DTWD2: variants seen among roughly 807,000 people sequenced by gnomAD.
DTWD2 encodes the protein tRNA-uridine aminocarboxypropyltransferase 2.
Under a neutral mutation model 31.8 loss-of-function variants are expected in DTWD2, and 39 were observed. That is an observed-to-expected ratio of 1.22 (90% CI 0.95 to 1.60). DTWD2 has a LOEUF of 1.60. Among genes scored for constraint, DTWD2 ranks in the 40% most tolerant of loss-of-function variants. The probability of loss-of-function intolerance (pLI) is 0.00; values close to 1 mark genes in which losing one functional copy is unlikely to be tolerated. For missense variants in DTWD2, 515 were observed against 381.5 expected (o/e 1.35, Z -2.92); for synonymous variants, 180 against 142.8 (o/e 1.26, Z -1.86).
At chr5:118,979,756 C>T (rs778357048) in intron 1 of DTWD2, among the ~76,000 whole-genome samples, 2 of 152,190 alleles carry the variant, frequency 1.3e-5, no homozygotes, top group Non-Finnish European at 1.5e-5. Context: ...GAACAGAAAA[C>T]CAAACACCGC....
intron 4 of DTWD2, among the ~76,000 whole-genome samples, chr5:118,893,329 C>A (rs973567803): frequency 2.1e-5 from 3 of 139,694 alleles, no homozygotes; most frequent in Admixed American, 7.6e-5. Context: ...CCACTGCACT[C>A]TAGCCTGGGC....
At position 118,906,820 on chromosome 5, in the gene DTWD2, A is replaced by G. The variant is rs769106075; in HGVS notation, c.597+21717T>C. 2.0e-4 allele frequency among the ~76,000 whole-genome samples: 30 copies of G among 152,326 alleles called. No individual in the cohort carries two copies. In the Middle Eastern group the frequency reaches 0.017, roughly 86 times the overall value. On this transcript the variant is annotated intron_variant, in intron 4 of 5. Coordinates refer to ENST00000510708, the MANE Select transcript of DTWD2 (RefSeq NM_173666.4). ...TATGTCAAAACTTAGCAAACTGCAC[A>G]CTTTAAACATGTGCAGTTTATTGCA...
intron 4 of DTWD2, among the ~76,000 whole-genome samples, chr5:118,864,529 T>TAAAA (rs750961429): frequency 3.0e-5 from 4 of 132,662 alleles, no homozygotes; most frequent in African/African-American, 1.1e-4. Flanking sequence ...CTTAGAGTAT[T>TAAAA]AAAAAAAAAA....
At chr5:118,905,416 G>C (rs1753306137) in intron 4 of DTWD2, among the ~76,000 whole-genome samples, 1 of 152,056 alleles carries the variant, frequency 6.6e-6, no homozygotes, top group African/African-American at 2.4e-5. Flanking sequence ...GAGTAAGAGG[G>C]CCTGTCCTGA....
At chr5:118,986,664 C>G (rs1755434501) in intron 1 of DTWD2, among the ~76,000 whole-genome samples, 1 of 152,114 alleles carries the variant, frequency 6.6e-6, no homozygotes, top group South Asian at 2.1e-4. Context: ...AAAAAGCCAT[C>G]AATTCATTTA....
chr5:118,988,147 C>G, intron 1 of DTWD2, 147 bp downstream of exon 1: 1 of 968,630 alleles, frequency 1.0e-6, no homozygotes, highest in Non-Finnish European at 1.6e-6. Context: ...CTGTGCCTGG[C>G]ATTTCCGAGA....
Position 118,950,258 on chromosome 5 carries a change from C to T in DTWD2, c.219-5609G>A, listed in dbSNP as rs1396999220. ...AAAAAGAATATTGTCTAAGTTGGCACCAGAGTTGGGGAGTTTTAAGAGGTT... is the reference window on the plus strand; with the variant it reads ...AAAAAGAATATTGTCTAAGTTGGCATCAGAGTTGGGGAGTTTTAAGAGGTT... On this transcript the variant is annotated intron_variant, in intron 1 of 5. Transcript: ENST00000510708. 2.0e-5 allele frequency among the ~76,000 whole-genome samples: 3 copies of T among 150,182 alleles called. 1 individual carries two copies. The South Asian group carries it at 6.4e-4, about 32-fold the overall frequency.
chr5:118,860,892 T>C (rs1023162836), intron 4 of DTWD2, among the ~76,000 whole-genome samples: 1 of 152,220 alleles, frequency 6.6e-6, no homozygotes, highest in Non-Finnish European at 1.5e-5. Context: ...TTGCATTATA[T>C]AAGTCGCAAA....
At chr5:118,876,928 A>C (rs1373680018) in intron 4 of DTWD2, among the ~76,000 whole-genome samples, 2 of 152,250 alleles carry the variant, frequency 1.3e-5, no homozygotes, top group African/African-American at 4.8e-5. Flanking sequence ...CAATAAAAAA[A>C]GAAAACTACA....
intron 4 of DTWD2, among the ~76,000 whole-genome samples, chr5:118,889,356 G>A (rs1416576177): frequency 6.6e-6 from 1 of 152,012 alleles, no homozygotes; most frequent in African/African-American, 2.4e-5. Context: ...AAATGGCTAA[G>A]GCAGAATAAT....
chr5:118,920,662 T>C (rs1013463451), intron 4 of DTWD2, among the ~76,000 whole-genome samples: 2 of 152,208 alleles, frequency 1.3e-5, no homozygotes, highest in South Asian at 4.1e-4. Flanking sequence ...AACTAAATTG[T>C]ATTTCTATAA....
At chr5:118,982,430 G>A (rs960100700) in intron 1 of DTWD2, among the ~76,000 whole-genome samples, 12 of 152,028 alleles carry the variant, frequency 7.9e-5, no homozygotes, top group African/African-American at 2.9e-4. Flanking sequence ...ATATATCATT[G>A]CTTAACTTTG....
intron 1 of DTWD2, among the ~76,000 whole-genome samples, chr5:118,976,907 T>C (rs1257214284): frequency 6.6e-6 from 1 of 152,076 alleles, no homozygotes; most frequent in Non-Finnish European, 1.5e-5. Flanking sequence ...CAGGCCAATA[T>C]CCCTGATGAA....
At chr5:118,963,909 G>A (rs573706054) in intron 1 of DTWD2, among the ~76,000 whole-genome samples, 1 of 152,254 alleles carries the variant, frequency 6.6e-6, no homozygotes, top group African/African-American at 2.4e-5. Context: ...CTTGGTGAAA[G>A]AAGATATAAG....
chr5:118,982,933 T>G (rs867972452), intron 1 of DTWD2, among the ~76,000 whole-genome samples: 1 of 152,032 alleles, frequency 6.6e-6, no homozygotes, highest in African/African-American at 2.4e-5. Flanking sequence ...TTGTGATCCA[T>G]CCGCCTCAGC....
intron 4 of DTWD2, among the ~76,000 whole-genome samples, chr5:118,916,013 G>A (rs1753568109): frequency 6.6e-6 from 1 of 152,190 alleles, no homozygotes; most frequent in Non-Finnish European, 1.5e-5. Flanking sequence ...TTCCCAATAA[G>A]GGATTGGGGT....
At chr5:118,950,678 C>G (rs1045252931) in intron 1 of DTWD2, among the ~76,000 whole-genome samples, 3 of 152,178 alleles carry the variant, frequency 2.0e-5, no homozygotes, top group African/African-American at 7.2e-5. Context: ...GAAGCAAGAT[C>G]CTGGGGGAGG....
intron 1 of DTWD2, among the ~76,000 whole-genome samples, chr5:118,967,193 T>A (rs1754872250): frequency 6.6e-6 from 1 of 151,882 alleles, no homozygotes; most frequent in South Asian, 2.1e-4. Flanking sequence ...GTCAAAGAAA[T>A]AAACTACAAT....
intron 3 of DTWD2, among the ~76,000 whole-genome samples, chr5:118,934,109 A>C (rs1172040451): frequency 6.6e-6 from 1 of 150,856 alleles, no homozygotes; most frequent in Non-Finnish European, 1.5e-5. Context: ...TACGTAAAGT[A>C]CCTGTATGTG....
Sources: gnomAD v4.1 joint callset for allele counts (sites outside exome capture counted in the v4.1 genomes callset) on GRCh38, gnomAD v4.1.1 for gene constraint, MANE v1.5 for transcripts, NCBI Gene and HGNC (gene_info 2026-07-23, HGNC 2026-07-21) for gene names.